PRR16: variants seen among roughly 807,000 people sequenced by gnomAD.
The protein encoded by PRR16 is proline rich 16.
Under a neutral mutation model 18.2 loss-of-function variants are expected in PRR16, and 6 were observed. The observed-to-expected ratio is 0.33, with a 90% CI of 0.18 to 0.65. The LOEUF is 0.65. Among genes scored for constraint, PRR16 ranks in the 30% least tolerant of loss-of-function variants. The pLI is 0.74. For synonymous variants in PRR16, 151 were observed against 147.8 expected, an observed-to-expected ratio of 1.02 and a Z score of -0.16; for missense variants, 412 against 376.6, an observed-to-expected ratio of 1.09 and a Z score of -0.78.
the PRR16 span, among the ~76,000 whole-genome samples, chr5:120,701,601 A>T: frequency 6.6e-6 from 1 of 152,286 alleles, no homozygotes; most frequent in South Asian, 2.1e-4. Flanking sequence ...GTGGAGGAGC[A>T]GAGGCTGAGG....
At chr5:120,638,783 G>T (rs1755329786) in intron 1 of PRR16, among the ~76,000 whole-genome samples, 1 of 151,952 alleles carries the variant, frequency 6.6e-6, no homozygotes, top group Non-Finnish European at 1.5e-5. Flanking sequence ...TCTTAGCAAT[G>T]TTTCTACTTT....
chr5:120,638,497 T>A (rs1365283032), intron 1 of PRR16, among the ~76,000 whole-genome samples: 1 of 152,130 alleles, frequency 6.6e-6, no homozygotes, highest in Non-Finnish European at 1.5e-5. Context: ...TTTGAAATGT[T>A]CCATTTATTG....
chr5:120,629,649 G>A (rs1754989825), intron 1 of PRR16, among the ~76,000 whole-genome samples: 3 of 152,048 alleles, frequency 2.0e-5, no homozygotes, highest in South Asian at 2.1e-4. Flanking sequence ...TTCTTGGCTC[G>A]CTATGCCTTC....
intron 1 of PRR16, among the ~76,000 whole-genome samples, chr5:120,664,641 T>C (rs1756301362): frequency 6.6e-6 from 1 of 152,000 alleles, no homozygotes; most frequent in South Asian, 2.1e-4. Flanking sequence ...CAGAGTGTGA[T>C]GTTCCCCTTC....
At chr5:120,773,783 G>C in the PRR16 span, among the ~76,000 whole-genome samples, 3 of 152,020 alleles carry the variant, frequency 2.0e-5, no homozygotes, top group South Asian at 6.2e-4. Context: ...AAACACAGAT[G>C]TCTAGTTTAC....
chr5:120,773,778 C>A, the PRR16 span, among the ~76,000 whole-genome samples: 1 of 151,990 alleles, frequency 6.6e-6, no homozygotes, highest in Non-Finnish European at 1.5e-5. Flanking sequence ...GGAACAAACA[C>A]AGATGTCTAG....
chr5:120,688,597 C>T (rs1757174307), downstream of PRR16, among the ~76,000 whole-genome samples: 1 of 152,186 alleles, frequency 6.6e-6, no homozygotes, highest in Non-Finnish European at 1.5e-5. Flanking sequence ...CTTCCTTTCA[C>T]ATGTCTATCA....
At chr5:120,716,148 C>A in the PRR16 span, among the ~76,000 whole-genome samples, 1 of 152,138 alleles carries the variant, frequency 6.6e-6, no homozygotes, top group Admixed American at 6.5e-5. Flanking sequence ...TCTCCCACAT[C>A]TTTGCTACAG....
the PRR16 span, among the ~76,000 whole-genome samples, chr5:120,768,596 G>A: frequency 2.6e-5 from 4 of 151,480 alleles, no homozygotes; most frequent in Admixed American, 1.3e-4. Context: ...TTTACTCATC[G>A]TATTCACCTG....
At chr5:120,624,682 T>G (rs967834026) in intron 1 of PRR16, among the ~76,000 whole-genome samples, 1 of 152,140 alleles carries the variant, frequency 6.6e-6, no homozygotes, top group Non-Finnish European at 1.5e-5. Context: ...ACTTTTAAAG[T>G]ATTAAGAACT....
intron 1 of PRR16, among the ~76,000 whole-genome samples, chr5:120,585,908 G>A (rs886616783): frequency 6.6e-6 from 1 of 152,022 alleles, no homozygotes; most frequent in Admixed American, 6.6e-5. Flanking sequence ...GGGTGCGATG[G>A]CTCATGCTTG....
At chr5:120,770,298 C>T in the PRR16 span, among the ~76,000 whole-genome samples, 4 of 151,936 alleles carry the variant, frequency 2.6e-5, no homozygotes, top group Non-Finnish European at 5.9e-5. Context: ...TCCATTCATA[C>T]ACGATCAGTT....
chr5:120,617,500 C>T (rs1754551588), intron 1 of PRR16, among the ~76,000 whole-genome samples: 2 of 151,936 alleles, frequency 1.3e-5, no homozygotes, highest in African/African-American at 4.8e-5. Context: ...TTTAAGGCTC[C>T]AAAAATATTT....
intron 1 of PRR16, among the ~76,000 whole-genome samples, chr5:120,474,786 G>T (rs151224815): frequency 8.5e-5 from 13 of 152,182 alleles, no homozygotes; most frequent in African/African-American, 2.9e-4. Context: ...AAATATGTGT[G>T]TTTTAGGATT....
chr5:120,708,971 T>A, the PRR16 span, among the ~76,000 whole-genome samples: 1 of 142,878 alleles, frequency 7.0e-6, no homozygotes, highest in African/African-American at 2.6e-5. Flanking sequence ...CTCTTTACTC[T>A]TTGGTACTTT....
chr5:120,625,796 T>A (rs1754842961), intron 1 of PRR16, among the ~76,000 whole-genome samples: 1 of 145,570 alleles, frequency 6.9e-6, no homozygotes, highest in Non-Finnish European at 1.5e-5. Context: ...ACTTTCTTAA[T>A]GTATTTACGT....
intron 1 of PRR16, chr5:120,618,300 A>G (rs1036972177): frequency 4.3e-5 from 8 of 184,960 alleles, no homozygotes; most frequent in African/African-American, 1.7e-4. Context: ...CTCTATTTGA[A>G]TGAATTCTCA....
intron 1 of PRR16, among the ~76,000 whole-genome samples, chr5:120,523,488 A>G (rs1045252847): frequency 6.6e-6 from 1 of 152,210 alleles, no homozygotes; most frequent in Admixed American, 6.5e-5. Flanking sequence ...TATTATAAAC[A>G]GCATTTAATG....
At chr5:120,637,258 A>G (rs1236360335) in intron 1 of PRR16, among the ~76,000 whole-genome samples, 3 of 132,264 alleles carry the variant, frequency 2.3e-5, no homozygotes, top group African/African-American at 8.4e-5. Flanking sequence ...TAGATCTATC[A>G]TTTGATTCAG....
Sources: allele counts gnomAD v4.1 joint callset (sites outside exome capture counted in the v4.1 genomes callset), GRCh38; gene constraint gnomAD v4.1.1; transcripts MANE v1.5; gene names NCBI Gene and HGNC (gene_info 2026-07-23, HGNC 2026-07-21).